Variants in CAMK2A observed in about 807,000 individuals in gnomAD.
CAMK2A encodes calcium/calmodulin-dependent protein kinase type II subunit alpha.
CAMK2A carries 7 observed loss-of-function variants against 79.2 expected under a neutral mutation model. That is an observed-to-expected ratio of 0.09 (90% CI 0.05 to 0.17). CAMK2A has a LOEUF of 0.17. Ranked by LOEUF, CAMK2A falls within the 10% of genes least tolerant of loss-of-function variation. The pLI is 1.00. For synonymous variants in CAMK2A, 242 were observed against 251.7 expected, an observed-to-expected ratio of 0.96 and a Z score of 0.36; for missense variants, 214 against 646.4, an observed-to-expected ratio of 0.33 and a Z score of 7.25.
intron 13 of CAMK2A, among the ~76,000 whole-genome samples, chr5:150,241,762 T>C (rs1280742954): frequency 1.4e-5 from 2 of 146,092 alleles, no homozygotes; most frequent in Non-Finnish European, 1.5e-5. Flanking sequence ...CTTTTCTTCC[T>C]CTCTTCTCCT....
At chr5:150,247,948 T>A (rs903644117) in intron 11 of CAMK2A, 134 bp from the exon 12 acceptor site, 1 of 709,926 alleles carries the variant, frequency 1.4e-6, no homozygotes. Context: ...GCCTCTGCCC[T>A]GCCCCTCCAT....
chr5:150,250,825 G>C lies in CAMK2A; in HGVS notation c.694-15C>G. The C allele has an allele frequency of 1.2e-6, 2 of 1,613,532 alleles. No homozygotes were observed. Among genetic ancestry groups the C allele is most frequent in the Non-Finnish European group, 1.7e-6 (2 of 1,179,574 alleles). On this transcript the variant is annotated splice_polypyrimidine_tract_variant and intron_variant, in intron 9 of 18. Transcript: ENST00000671881. ...GGCGATGGGAACTGGAAGGGGCAGA[G>C]AGGCCAGGTTTGCCCAGCCTGCCCC...
In CAMK2A at chr5:150,286,335, G is replaced by A. The variant is rs73268761; in HGVS notation, c.62+3229C>T. Among the ~76,000 whole-genome samples, 862 of 152,314 alleles carry A rather than the reference G, an allele frequency of 5.7e-3. 16 individuals are homozygous for A. The highest frequency in any genetic ancestry group is 0.02 in the African/African-American group (828 of 41,562). On this transcript the variant is annotated intron_variant, in intron 1 of 18. Coordinates refer to ENST00000671881, the MANE Select transcript of CAMK2A (RefSeq NM_015981.4). ...CAAGAGGCTCCAGTAGCCCTGCCTGGGGCCCTGGCCCCAGTCACAGGTTCC... is the reference window on the plus strand; with the variant it reads ...CAAGAGGCTCCAGTAGCCCTGCCTGAGGCCCTGGCCCCAGTCACAGGTTCC...
intron 3 of CAMK2A, among the ~76,000 whole-genome samples, chr5:150,258,720 C>T (rs1380571564): frequency 1.3e-5 from 2 of 152,136 alleles, no homozygotes; most frequent in Non-Finnish European, 2.9e-5. Flanking sequence ...GAATGTTTGC[C>T]ATGTGCATAT....
At chr5:150,264,893 G>T in intron 3 of CAMK2A, 63 bp downstream of exon 3, 1 of 1,305,784 alleles carries the variant, frequency 7.7e-7, no homozygotes, top group Non-Finnish European at 1.1e-6. Context: ...ACACCCACGT[G>T]CCAGGGTGGG....
At position 150,222,507 on chromosome 5, in the gene CAMK2A, T is replaced by A. The variant is rs1754364319; in HGVS notation, c.*203A>T. On this transcript the variant is annotated 3_prime_UTR_variant, in exon 19 of 19. Coordinates refer to ENST00000671881, the MANE Select transcript of CAMK2A (RefSeq NM_015981.4). ...CAGGGGAGAGGGTGGGGGTGAGAGG[T>A]GGGGAGATGTGGCCGTTCGCTCTGA... is the stretch of plus-strand genomic sequence containing the variant. The A allele has an allele frequency of 5.6e-6, 4 of 708,520 alleles. No homozygotes were observed. The Admixed American group carries it at 8.0e-5, about 14-fold the overall frequency. 43.9% of individuals were successfully genotyped at this position (708,520 alleles called of 1,614,324 possible).
intron 2 of CAMK2A, among the ~76,000 whole-genome samples, chr5:150,266,938 C>G (rs552176925): frequency 6.6e-6 from 1 of 152,154 alleles, no homozygotes; most frequent in Non-Finnish European, 1.5e-5. Context: ...TCCCCTGCCC[C>G]CTTCACTAGA....
intron 3 of CAMK2A, among the ~76,000 whole-genome samples, chr5:150,263,248 A>G (rs1197953482): frequency 1.3e-5 from 2 of 152,168 alleles, no homozygotes; most frequent in African/African-American, 4.8e-5. Flanking sequence ...CCTGCTCCCC[A>G]TTTTATAGCT....
intron 15 of CAMK2A, among the ~76,000 whole-genome samples, chr5:150,237,408 T>A (rs528075609): frequency 3.3e-5 from 5 of 152,082 alleles, no homozygotes; most frequent in African/African-American, 4.8e-5. Flanking sequence ...GCATCTCTGC[T>A]ACACACCTGA....
chr5:150,259,955 C>T (rs1756231911), intron 3 of CAMK2A, among the ~76,000 whole-genome samples: 1 of 151,478 alleles, frequency 6.6e-6, no homozygotes, highest in South Asian at 2.1e-4. Flanking sequence ...GGCAACAGAG[C>T]AAGGCATCAT....
At chr5:150,236,731 A>G (rs1755082429) in intron 15 of CAMK2A, among the ~76,000 whole-genome samples, 1 of 152,142 alleles carries the variant, frequency 6.6e-6, no homozygotes, top group South Asian at 2.1e-4. Context: ...TAGAAGCACC[A>G]TTTCTTGGCC....
intron 2 of CAMK2A, among the ~76,000 whole-genome samples, chr5:150,268,815 A>G (rs1756618320): frequency 6.6e-6 from 1 of 152,216 alleles, no homozygotes; most frequent in South Asian, 2.1e-4. Flanking sequence ...GTTGGAGCAC[A>G]GTGGCAGGAT....
intron 17 of CAMK2A, among the ~76,000 whole-genome samples, chr5:150,224,070 G>C (rs1754480854): frequency 6.6e-6 from 1 of 152,184 alleles, no homozygotes; most frequent in African/African-American, 2.4e-5. Flanking sequence ...TCCAGCGTTA[G>C]GGAGAGATGC....
chr5:150,266,976 G>A (rs1248609352), intron 2 of CAMK2A, among the ~76,000 whole-genome samples: 1 of 152,188 alleles, frequency 6.6e-6, no homozygotes, highest in Admixed American at 6.5e-5. Context: ...TCCAAGGGCT[G>A]CAGAAGCCAA....
At chr5:150,278,886 T>A (rs1289359847) in intron 1 of CAMK2A, among the ~76,000 whole-genome samples, 2 of 151,928 alleles carry the variant, frequency 1.3e-5, no homozygotes, top group East Asian at 1.9e-4. Context: ...GAGGCGTGCA[T>A]CCACGTGAGC....
intron 15 of CAMK2A, among the ~76,000 whole-genome samples, chr5:150,235,439 G>A (rs533262473): frequency 7.9e-5 from 12 of 152,358 alleles, no homozygotes; most frequent in African/African-American, 2.6e-4. Context: ...CTCCCCTACA[G>A]ATGGGAAAGC....
intron 3 of CAMK2A, 60 bp from the exon 4 acceptor site, chr5:150,257,677 C>T: frequency 7.7e-7 from 1 of 1,296,430 alleles, no homozygotes; most frequent in South Asian, 1.3e-5. Context: ...GGCCCGCCCT[C>T]CCTCTCTCCC....
intron 1 of CAMK2A, among the ~76,000 whole-genome samples, chr5:150,279,188 A>G (rs1757105341): frequency 6.6e-6 from 1 of 152,152 alleles, no homozygotes; most frequent in African/African-American, 2.4e-5. Context: ...CTAGCCACAG[A>G]TGCTACAGAG....
At chr5:150,255,164 G>T (rs1756001147) in intron 6 of CAMK2A, among the ~76,000 whole-genome samples, 1 of 152,228 alleles carries the variant, frequency 6.6e-6, no homozygotes, top group South Asian at 2.1e-4. Flanking sequence ...AATTTGGGCT[G>T]CCTCTCCTCC....
Sources: allele counts gnomAD v4.1 joint callset (sites outside exome capture counted in the v4.1 genomes callset), GRCh38; gene constraint gnomAD v4.1.1; transcripts MANE v1.5; gene names NCBI Gene and HGNC (gene_info 2026-07-23, HGNC 2026-07-21).